Variants in ARCN1 observed in about 807,000 individuals in gnomAD.
ARCN1 encodes the protein coatomer subunit delta.
In ARCN1, 5 loss-of-function variants were observed where a neutral mutation model predicts 60.4. That is an observed-to-expected ratio of 0.08 (90% CI 0.04 to 0.17). The LOEUF is 0.17. Among genes scored for constraint, ARCN1 ranks in the 10% least tolerant of loss-of-function variants. The pLI, the probability that ARCN1 is intolerant of heterozygous loss-of-function variation, is 1.00. For missense variants in ARCN1, 464 were observed against 626.5 expected (o/e 0.74, Z 2.77); for synonymous variants, 224 against 220.0 (o/e 1.02, Z -0.16).
intron 9 of ARCN1, among the ~76,000 whole-genome samples, chr11:118,600,403 A>G (rs942249175): frequency 2.6e-4 from 39 of 152,252 alleles, no homozygotes; most frequent in African/African-American, 8.2e-4. Context: ...ATCTCGTCCC[A>G]ACAGTTGTCT....
chr11:118,592,226 T>A (rs1381315229), intron 6 of ARCN1, among the ~76,000 whole-genome samples: 9 of 152,200 alleles, frequency 5.9e-5, no homozygotes, highest in Non-Finnish European at 1.2e-4. Context: ...CTATCTTAAT[T>A]GGCTTGGATT....
chr11:118,592,127 A>G (rs1157171236), intron 6 of ARCN1, among the ~76,000 whole-genome samples: 1 of 152,092 alleles, frequency 6.6e-6, no homozygotes, highest in Non-Finnish European at 1.5e-5. Context: ...GGGTTTTGCC[A>G]TGTTGGCCAG....
chr11:118,594,259 T>A (rs1165866960), intron 8 of ARCN1, among the ~76,000 whole-genome samples: 1 of 151,092 alleles, frequency 6.6e-6, no homozygotes, highest in Non-Finnish European at 1.5e-5. Flanking sequence ...ACCACCACGC[T>A]TGGCTAATTT....
rs1171902887 is a variant in ARCN1 at position 118,583,119 on chromosome 11, T to C, written c.268-60T>C. On this transcript the variant is annotated intron_variant, in intron 2 of 9. Transcript: ENST00000264028. ...ATTTATGTACTCTAAAGGATAAGAC[T>C]TGGAAATATAGCTGCTGATAAATTC... 2.6e-6 allele frequency: 4 copies of C among 1,563,610 alleles called. No homozygotes were observed. In the African/African-American group the frequency reaches 5.5e-5, roughly 21 times the overall value.
intron 5 of ARCN1, among the ~76,000 whole-genome samples, chr11:118,587,617 T>C (rs1938807546): frequency 6.6e-6 from 1 of 152,194 alleles, no homozygotes; most frequent in Non-Finnish European, 1.5e-5. Flanking sequence ...CACAGAAGAC[T>C]TCTGTGATCA....
In ARCN1 at chr11:118,583,853, G is replaced by T; in HGVS notation, c.492G>T (p.Lys164Asn). 1 of 1,614,206 alleles carries T rather than the reference G, an allele frequency of 6.2e-7. No homozygotes were observed. Among genetic ancestry groups the T allele is most frequent in the Non-Finnish European group, 8.5e-7 (1 of 1,180,038 alleles). ...AGGCTGAGATGCGTCGTAAAGCAAAGGAATTACAACAGGCCCGAAGAGATG... is the reference window on the plus strand; with the variant it reads ...AGGCTGAGATGCGTCGTAAAGCAAATGAATTACAACAGGCCCGAAGAGATG... Reference protein sequence around the residue: ...EAKAEMRRKAKELQQARRDAE... With the variant: ...EAKAEMRRKANELQQARRDAE... The change falls in exon 4 of 10, where the codon AAG (lysine) becomes AAT (asparagine). Residue 164 changes from lysine to asparagine, a missense_variant. By Grantham distance (94) the Lys-to-Asn change is moderately conservative. This residue lies in a region of ARCN1 where 359 missense variants were observed against 440.2 expected (regional missense o/e 0.82). Coordinates refer to ENST00000264028, the MANE Select transcript of ARCN1 (RefSeq NM_001655.5).
chr11:118,588,972 C>A (rs191721667), intron 5 of ARCN1, among the ~76,000 whole-genome samples: 27 of 148,828 alleles, frequency 1.8e-4, no homozygotes, highest in South Asian at 2.1e-4. Context: ...GAGCCGAGAT[C>A]ACGCCATTGC....
In ARCN1 at chr11:118,591,238, G is replaced by A. The variant is rs190221920; in HGVS notation, c.984+732G>A. ...TTTCATTTCATTTAGCCGACATCTCGTCACAAGAACAAAGCCTTTTTACGG... is the reference window on the plus strand; with the variant it reads ...TTTCATTTCATTTAGCCGACATCTCATCACAAGAACAAAGCCTTTTTACGG... On this transcript the variant is annotated intron_variant, in intron 6 of 9. Transcript: ENST00000264028. 1.8e-3 allele frequency among the ~76,000 whole-genome samples: 273 copies of A among 152,232 alleles called. 4 individuals are homozygous for A. The highest frequency in any genetic ancestry group is 1.2e-3 in the Admixed American group (18 of 15,282).
intron 5 of ARCN1, among the ~76,000 whole-genome samples, chr11:118,585,622 C>T (rs1938761722): frequency 6.6e-6 from 1 of 152,080 alleles, no homozygotes; most frequent in Admixed American, 6.6e-5. Context: ...TTGTTGCAAC[C>T]TCTGCCTCCC....
chr11:118,576,510 A>G (rs1032894560), intron 1 of ARCN1, among the ~76,000 whole-genome samples: 2 of 151,852 alleles, frequency 1.3e-5, no homozygotes, highest in Non-Finnish European at 1.5e-5. Context: ...TCAAATTTCA[A>G]TAGGGAAAAT....
intron 8 of ARCN1, among the ~76,000 whole-genome samples, chr11:118,597,151 G>A (rs964094311): frequency 6.6e-6 from 1 of 152,218 alleles, no homozygotes; most frequent in Non-Finnish European, 1.5e-5. Flanking sequence ...AGGTTGCAGT[G>A]AGCTGAGATC....
At chr11:118,593,391 CTT>C (rs57568260) in intron 7 of ARCN1, among the ~76,000 whole-genome samples, 197 bp from the exon 8 acceptor site, 32 of 120,934 alleles carry the variant, frequency 2.6e-4, no homozygotes, top group Admixed American at 2.5e-4. Flanking sequence ...CCACGCCTGG[CTT>C]TTTTTTTTTT....
chr11:118,573,702 C>G (rs1555072895), intron 1 of ARCN1: 2 of 700,950 alleles, frequency 2.9e-6, no homozygotes, highest in Non-Finnish European at 2.6e-6. Context: ...GTTCTATTGA[C>G]AACCCTTTAG....
intron 1 of ARCN1, among the ~76,000 whole-genome samples, chr11:118,575,191 G>A (rs1938462282): frequency 6.6e-6 from 1 of 152,082 alleles, no homozygotes; most frequent in African/African-American, 2.4e-5. Context: ...TGTTAGCCAG[G>A]ATAGTCTCGA....
intron 5 of ARCN1, among the ~76,000 whole-genome samples, chr11:118,586,776 C>G (rs1196414822): frequency 3.3e-5 from 5 of 149,330 alleles, no homozygotes; most frequent in African/African-American, 1.2e-4. Flanking sequence ...TGCTTGAACC[C>G]GGGAAGCAGA....
chr11:118,581,550 T>C (rs1555074642), intron 2 of ARCN1, 41 bp downstream of exon 2: 5 of 1,562,088 alleles, frequency 3.2e-6, no homozygotes, highest in African/African-American at 2.7e-5. Flanking sequence ...CTTTTTGTTT[T>C]ACATTTTATG....
At chr11:118,583,091 G>T in intron 2 of ARCN1, 88 bp from the exon 3 acceptor site, 1 of 1,442,782 alleles carries the variant, frequency 6.9e-7, no homozygotes, top group Non-Finnish European at 9.5e-7. Context: ...TTAGGTTATT[G>T]AAATTTATGT....
At chr11:118,573,384 C>G (rs1219373279) in intron 1 of ARCN1, among the ~76,000 whole-genome samples, 1 of 152,176 alleles carries the variant, frequency 6.6e-6, no homozygotes, top group East Asian at 1.9e-4. Context: ...CATGCGTTAT[C>G]TTTGTATACT....
rs1555075042 is a variant in ARCN1, at chr11:118,583,900, C to T, written c.539C>T (p.Ala180Val). The T allele has an allele frequency of 6.2e-7, 1 of 1,614,218 alleles. No individual in the cohort carries two copies. ...RRDAERQGKK[A>V]PGFGGFGSSA... ...GATGCAGAGAGACAGGGCAAAAAAG[C>T]ACCAGGATTTGGCGGATTTGGCAGC... The change falls in exon 4 of 10, where the codon GCA (alanine) becomes GTA (valine). Residue 180 changes from alanine to valine, a missense_variant. By Grantham distance (64) the Ala-to-Val change is moderately conservative. Around this residue, in one of 2 missense-constraint regions of ARCN1, gnomAD observed 359 missense variants for 440.2 expected, o/e 0.82. Transcript: ENST00000264028.
Sources: allele counts gnomAD v4.1 joint callset (sites outside exome capture counted in the v4.1 genomes callset), GRCh38; gene constraint gnomAD v4.1.1; regional missense constraint gnomAD v4.1.1; transcripts MANE v1.5; gene names NCBI Gene and HGNC (gene_info 2026-07-23, HGNC 2026-07-21).